Variants in MAGI1 observed in about 807,000 individuals in gnomAD.
The protein encoded by MAGI1 is membrane-associated guanylate kinase, WW and PDZ domain-containing protein 1.
Under a neutral mutation model 139.9 loss-of-function variants are expected in MAGI1, and 58 were observed. That is an observed-to-expected ratio of 0.41 (90% CI 0.34 to 0.52). MAGI1 has a LOEUF of 0.52. MAGI1 is among the 20% of genes least tolerant of loss of function. The probability of loss-of-function intolerance (pLI) is 0.12; values close to 1 mark genes in which losing one functional copy is unlikely to be tolerated. For synonymous variants in MAGI1, 812 were observed against 737.9 expected (o/e 1.10, Z -1.63); for missense variants, 1,874 against 1,901.6 (o/e 0.99, Z 0.27).
chr3:65,429,846 G>A lies in MAGI1; in HGVS notation c.1841C>T (p.Ala614Val), dbSNP rs755079504. ...GMKDARPSSP[A>V]DVASNSSHGY... ...ATGAGAACTATTTGAAGCCACGTCC[G>A]CTGGGCTGCTTGGCCTGGCATCCTT... Residue 614 changes from alanine to valine, a missense_variant, in exon 12 of 23, where the codon GCG becomes GTG. Ala to Val is a moderately conservative substitution (Grantham distance 64, BLOSUM62 0). Around this residue, in one of 5 missense-constraint regions of MAGI1, gnomAD observed 482 missense variants for 509.6 expected, o/e 0.95. Coordinates refer to ENST00000402939, the MANE Select transcript of MAGI1 (RefSeq NM_001033057.2). 6.2e-5 allele frequency: 100 copies of A among 1,613,904 alleles called. No homozygotes were observed. The highest frequency in any genetic ancestry group is 6.0e-4 in the East Asian group (27 of 44,874).
At chr3:65,594,612 T>G (rs2082102227) in intron 2 of MAGI1, among the ~76,000 whole-genome samples, 1 of 152,174 alleles carries the variant, frequency 6.6e-6, no homozygotes. Context: ...CCAGAGGGTG[T>G]CAGTATGACT....
At chr3:65,470,195 T>C in intron 5 of MAGI1, 88 bp downstream of exon 5, 1 of 856,670 alleles carries the variant, frequency 1.2e-6, no homozygotes. Flanking sequence ...ATCCCTTAAA[T>C]GTAATTTACA....
At chr3:65,584,062 T>C (rs1292486963) in intron 2 of MAGI1, among the ~76,000 whole-genome samples, 1 of 135,370 alleles carries the variant, frequency 7.4e-6, no homozygotes, top group Non-Finnish European at 1.5e-5. Flanking sequence ...TTTCCATTAG[T>C]CAGGGCCTCA....
At chr3:65,618,391 AT>A (rs1182268080) in intron 2 of MAGI1, among the ~76,000 whole-genome samples, 1 of 152,150 alleles carries the variant, frequency 6.6e-6, no homozygotes, top group Non-Finnish European at 1.5e-5. Flanking sequence ...TCATGTAATG[AT>A]TTTTTTGAAT....
At chr3:65,972,392 T>C (rs1157780987) in intron 1 of MAGI1, among the ~76,000 whole-genome samples, 1 of 152,240 alleles carries the variant, frequency 6.6e-6, no homozygotes, top group African/African-American at 2.4e-5. Context: ...TCTGATGCAG[T>C]CAGGTTCCTA....
intron 1 of MAGI1, chr3:65,925,353 G>C (rs1479167842): frequency 6.6e-6 from 1 of 151,780 alleles, no homozygotes; most frequent in Non-Finnish European, 1.5e-5. Context: ...TACACAAAAA[G>C]CTGGCTGAAA....
chr3:65,765,361 G>A, intron 1 of MAGI1, among the ~76,000 whole-genome samples: 1 of 152,178 alleles, frequency 6.6e-6, no homozygotes, highest in South Asian at 2.1e-4. Flanking sequence ...CCAAGCATTT[G>A]GTTGTGGCAC....
chr3:65,592,302 T>A (rs1315038384), intron 2 of MAGI1, among the ~76,000 whole-genome samples: 1 of 152,164 alleles, frequency 6.6e-6, no homozygotes, highest in Non-Finnish European at 1.5e-5. Flanking sequence ...TGCCCAGATG[T>A]AAAGACAATA....
intron 2 of MAGI1, among the ~76,000 whole-genome samples, chr3:65,554,823 A>G (rs2080010830): frequency 6.6e-6 from 1 of 152,210 alleles, no homozygotes; most frequent in South Asian, 2.1e-4. Flanking sequence ...AACATCATGA[A>G]AGAAAAGGCA....
At chr3:65,950,643 T>C (rs963067898) in intron 1 of MAGI1, among the ~76,000 whole-genome samples, 3 of 152,222 alleles carry the variant, frequency 2.0e-5, no homozygotes, top group Middle Eastern at 6.8e-3. Flanking sequence ...GGAAAAAAAA[T>C]TATCATCTTT....
At chr3:65,794,798 T>C (rs148851875) in intron 1 of MAGI1, among the ~76,000 whole-genome samples, 2,653 of 151,176 alleles carry the variant, frequency 0.018, 37 homozygotes, top group Non-Finnish European at 0.027. Flanking sequence ...ATGTAATATG[T>C]TCAATAAAAA....
intron 12 of MAGI1, among the ~76,000 whole-genome samples, chr3:65,424,925 G>A (rs1946899355): frequency 6.6e-6 from 1 of 151,740 alleles, no homozygotes; most frequent in South Asian, 2.1e-4. Context: ...TTTTAAAAGA[G>A]ATTAGCCTCA....
At chr3:65,560,997 T>C (rs1246219728) in intron 2 of MAGI1, among the ~76,000 whole-genome samples, 3 of 152,266 alleles carry the variant, frequency 2.0e-5, no homozygotes, top group Non-Finnish European at 1.5e-5. Context: ...AAACTATCAG[T>C]ATGGCAGATA....
At chr3:65,997,688 C>A (rs1226013739) in intron 1 of MAGI1, among the ~76,000 whole-genome samples, 1 of 151,614 alleles carries the variant, frequency 6.6e-6, no homozygotes, top group Non-Finnish European at 1.5e-5. Context: ...GATGAAATTT[C>A]ATGGAGTTCT....
chr3:65,898,882 C>T (rs1436521104), intron 1 of MAGI1, among the ~76,000 whole-genome samples: 1 of 151,970 alleles, frequency 6.6e-6, no homozygotes, highest in East Asian at 1.9e-4. Flanking sequence ...TATTATTTGT[C>T]AATTTAAGTA....
intron 1 of MAGI1, chr3:65,873,011 G>A (rs1291786681): frequency 1.3e-5 from 2 of 152,126 alleles, no homozygotes; most frequent in African/African-American, 2.4e-5. Context: ...CAATTAAAAG[G>A]TCACGAAGTT....
intron 1 of MAGI1, among the ~76,000 whole-genome samples, chr3:65,904,355 CAA>C (rs1205237280): frequency 6.6e-6 from 1 of 152,180 alleles, no homozygotes; most frequent in Non-Finnish European, 1.5e-5. Flanking sequence ...ACCACATCTT[CAA>C]AGAGACATCC....
intron 1 of MAGI1, among the ~76,000 whole-genome samples, chr3:65,744,604 T>C (rs1055340849): frequency 6.6e-5 from 10 of 152,140 alleles, no homozygotes; most frequent in Admixed American, 2.0e-4. Context: ...AAAGAAGATA[T>C]AGACTGATTT....
intron 14 of MAGI1, among the ~76,000 whole-genome samples, chr3:65,386,539 T>C (rs888161997): frequency 3.9e-5 from 6 of 152,230 alleles, no homozygotes; most frequent in African/African-American, 1.4e-4. Flanking sequence ...TATGGGATTA[T>C]AAAATTTCTC....
Sources: allele counts gnomAD v4.1 joint callset (sites outside exome capture counted in the v4.1 genomes callset), GRCh38; gene constraint gnomAD v4.1.1; regional missense constraint gnomAD v4.1.1; transcripts MANE v1.5; gene names NCBI Gene and HGNC (gene_info 2026-07-23, HGNC 2026-07-21).